PARD3B: variants seen among roughly 807,000 people sequenced by gnomAD.
The protein encoded by PARD3B is par-3 family cell polarity regulator beta, also known as partitioning defective 3 homolog B.
A neutral mutation model predicts 130.2 loss-of-function variants in PARD3B; 103 were observed. The observed-to-expected ratio is 0.79, with a 90% CI of 0.67 to 0.93. The LOEUF (loss-of-function observed/expected upper bound fraction) is 0.93. Among genes scored for constraint, PARD3B ranks in the 40% least tolerant of loss-of-function variants. PARD3B has a pLI of 0.00. For missense variants in PARD3B, 1,609 were observed against 1,499.2 expected (o/e 1.07, Z -1.21); for synonymous variants, 583 against 553.2 (o/e 1.05, Z -0.76).
At chr2:204,832,779 G>A (rs189113511) in intron 2 of PARD3B, among the ~76,000 whole-genome samples, 1 of 152,262 alleles carries the variant, frequency 6.6e-6, no homozygotes, top group African/African-American at 2.4e-5. Context: ...CTCCCTCAGT[G>A]TAGTAGTGCA....
At position 205,146,105 on chromosome 2, in the gene PARD3B, A is replaced by G. The variant is rs983900698; in HGVS notation, c.1435-12617A>G. ...GGTGCCACCCTTGCTTCCTGGGTGC[A>G]AGTCTCATCTGTGGATACAGCAGGC... On this transcript the variant is annotated intron_variant, in intron 10 of 22. Coordinates refer to ENST00000406610, the MANE Select transcript of PARD3B (RefSeq NM_001302769.2). The surrounding 1 kb of genome is among the most constrained non-coding windows in gnomAD (Gnocchi z 4.3). Among the ~76,000 whole-genome samples the G allele has an allele frequency of 6.6e-5, 10 of 152,152 alleles. No individual in the cohort carries two copies. The highest frequency in any genetic ancestry group is 1.3e-4 in the Non-Finnish European group (9 of 68,024).
intron 21 of PARD3B, among the ~76,000 whole-genome samples, chr2:205,540,148 TTTGTTG>T (rs769935901): frequency 1.3e-5 from 2 of 152,034 alleles, no homozygotes; most frequent in Non-Finnish European, 2.9e-5. Flanking sequence ...GGGCTGATTT[TTTGTTG>T]TTGTTGTTGT....
At chr2:204,739,456 T>C (rs2039902330) in intron 2 of PARD3B, among the ~76,000 whole-genome samples, 2 of 152,050 alleles carry the variant, frequency 1.3e-5, no homozygotes, top group African/African-American at 4.8e-5. Flanking sequence ...TCTATTATTA[T>C]ATTATTATTA....
At chr2:205,036,610 A>AAT (rs1259580304) in intron 3 of PARD3B, among the ~76,000 whole-genome samples, 1 of 148,444 alleles carries the variant, frequency 6.7e-6, no homozygotes, top group Non-Finnish European at 1.5e-5. Flanking sequence ...ATGTACAAAA[A>AAT]ATATATATAC....
In PARD3B at chr2:205,089,037, G is replaced by A. The variant is rs531727663; in HGVS notation, c.505-15389G>A. On this transcript the variant is annotated intron_variant, in intron 4 of 22. Transcript: ENST00000406610. ...AGGATGGTGTCAGTCTCTTGGCCTCGTGATCCACCTGCCTTGGCCTCCCAA... is the reference window on the plus strand; with the variant it reads ...AGGATGGTGTCAGTCTCTTGGCCTCATGATCCACCTGCCTTGGCCTCCCAA... Among the ~76,000 whole-genome samples, 265 of 151,860 alleles carry A rather than the reference G, an allele frequency of 1.7e-3. 1 individual carries two copies. The highest frequency in any genetic ancestry group is 5.5e-3 in the African/African-American group (228 of 41,426).
intron 2 of PARD3B, among the ~76,000 whole-genome samples, chr2:204,928,429 C>A (rs1687792198): frequency 1.3e-5 from 2 of 152,052 alleles, no homozygotes. Context: ...AATTCCATTG[C>A]AAAGGGAAAG....
intron 15 of PARD3B, among the ~76,000 whole-genome samples, chr2:205,204,759 A>G (rs1233524177): frequency 6.6e-6 from 1 of 152,106 alleles, no homozygotes; most frequent in Admixed American, 6.6e-5. Context: ...AGATGGTTGT[A>G]GATGTGTGAT....
rs149718030 is a variant in PARD3B at position 204,848,637 on chromosome 2, C to T, written c.223-116515C>T. Among the ~76,000 whole-genome samples, 447 of 149,394 alleles carry T rather than the reference C, an allele frequency of 3.0e-3. 7 individuals are homozygous for T. The highest frequency in any genetic ancestry group is 6.3e-3 in the Admixed American group (95 of 15,008). On this transcript the variant is annotated intron_variant, in intron 2 of 22. Coordinates refer to ENST00000406610, the MANE Select transcript of PARD3B (RefSeq NM_001302769.2). ...CTCCAGCCTGGATGATAGAGTGAGACTCTGTCTATCTATCTATCTATCTAT... is the reference window on the plus strand; with the variant it reads ...CTCCAGCCTGGATGATAGAGTGAGATTCTGTCTATCTATCTATCTATCTAT...
At chr2:204,661,485 G>A (rs1166850868) in intron 1 of PARD3B, among the ~76,000 whole-genome samples, 1 of 152,088 alleles carries the variant, frequency 6.6e-6, no homozygotes. Context: ...ACCAGAGGCA[G>A]AATGAGCCAC....
intron 3 of PARD3B, among the ~76,000 whole-genome samples, chr2:204,986,065 C>T (rs1021913256): frequency 6.7e-5 from 8 of 119,732 alleles, no homozygotes; most frequent in Admixed American, 6.3e-4. Flanking sequence ...AGTGCCATTG[C>T]ATTCCAGCCT....
At chr2:205,497,427 A>AT (rs3077795) in intron 20 of PARD3B, among the ~76,000 whole-genome samples, 56,883 of 123,554 alleles carry the variant, frequency 0.46, 13,915 homozygotes, top group Admixed American at 0.52. Flanking sequence ...TTTACTCACC[A>AT]TTTTTTTTTT....
chr2:204,657,050 A>G (rs1480278099), intron 1 of PARD3B, among the ~76,000 whole-genome samples: 1 of 152,160 alleles, frequency 6.6e-6, no homozygotes, highest in Non-Finnish European at 1.5e-5. Flanking sequence ...GACCTGGGTC[A>G]AGTGATTGTA....
chr2:204,925,286 T>C (rs1452065798), intron 2 of PARD3B, among the ~76,000 whole-genome samples: 1 of 152,160 alleles, frequency 6.6e-6, no homozygotes, highest in Admixed American at 6.5e-5. Flanking sequence ...ATCTTTCCTA[T>C]GATGATGGTG....
chr2:205,508,479 G>A (rs561646783), intron 21 of PARD3B, among the ~76,000 whole-genome samples: 2 of 151,898 alleles, frequency 1.3e-5, no homozygotes, highest in South Asian at 4.2e-4. Flanking sequence ...GGCTGAGACA[G>A]GAGGACTGCT....
intron 18 of PARD3B, among the ~76,000 whole-genome samples, chr2:205,396,762 T>C (rs1291005693): frequency 6.6e-6 from 1 of 152,200 alleles, no homozygotes; most frequent in East Asian, 1.9e-4. Context: ...AACTCTCAAA[T>C]TTCTAAGGTA....
At chr2:205,316,665 C>A (rs1335266734) in intron 18 of PARD3B, among the ~76,000 whole-genome samples, 1 of 152,034 alleles carries the variant, frequency 6.6e-6, no homozygotes, top group Admixed American at 6.6e-5. Flanking sequence ...TAGGTTATCA[C>A]CATAATTGGA....
intron 18 of PARD3B, among the ~76,000 whole-genome samples, chr2:205,353,337 C>T (rs1004898118): frequency 3.3e-5 from 5 of 152,120 alleles, no homozygotes; most frequent in South Asian, 2.1e-4. Flanking sequence ...GCATTAGTAC[C>T]GCTCCATGGA....
intron 1 of PARD3B, among the ~76,000 whole-genome samples, chr2:204,589,000 A>G (rs1041507081): frequency 6.6e-6 from 1 of 152,014 alleles, no homozygotes. Context: ...AAAAAAATTG[A>G]CAGATGTGAT....
At chr2:205,534,923 A>C (rs2051774321) in intron 21 of PARD3B, among the ~76,000 whole-genome samples, 1 of 152,208 alleles carries the variant, frequency 6.6e-6, no homozygotes, top group Non-Finnish European at 1.5e-5. Context: ...GATTTTCAGG[A>C]GAGATGGCCA....
Sources: allele counts gnomAD v4.1 joint callset (sites outside exome capture counted in the v4.1 genomes callset), GRCh38; gene constraint gnomAD v4.1.1; non-coding constraint Gnocchi (gnomAD v3.1); transcripts MANE v1.5; gene names NCBI Gene and HGNC (gene_info 2026-07-23, HGNC 2026-07-21).